The following CAPZA2 variants were observed in gnomAD, a reference collection of about 807,000 sequenced individuals.
CAPZA2 encodes the protein F-actin-capping protein subunit alpha-2.
Under a neutral mutation model 44.0 loss-of-function variants are expected in CAPZA2, and 13 were observed. That is an observed-to-expected ratio of 0.30 (90% CI 0.19 to 0.47). The LOEUF (loss-of-function observed/expected upper bound fraction) is 0.47, where lower values mean the gene tolerates loss of function less well. Among genes scored for constraint, CAPZA2 ranks in the 20% least tolerant of loss-of-function variants. CAPZA2 has a pLI of 1.00. For missense variants in CAPZA2, 244 were observed against 338.6 expected (o/e 0.72, Z 2.19); for synonymous variants, 94 against 108.2 (o/e 0.87, Z 0.81).
At chr7:116,866,117 A>G (rs1441766091) in intron 1 of CAPZA2, among the ~76,000 whole-genome samples, 1 of 152,192 alleles carries the variant, frequency 6.6e-6, no homozygotes, top group African/African-American at 2.4e-5. Flanking sequence ...GTGAATGGGA[A>G]ATAAATTTAG....
chr7:116,864,700 T>C (rs1430201998), intron 1 of CAPZA2, among the ~76,000 whole-genome samples: 1 of 152,100 alleles, frequency 6.6e-6, no homozygotes, highest in African/African-American at 2.4e-5. Context: ...TTAAAAGTGA[T>C]ATTTTAATAT....
Position 116,917,917 on chromosome 7 carries a change from C to G in CAPZA2, c.*50C>G, listed in dbSNP as rs1562965120. ...TTTTAGTGTCTTTGCGTTAAAAAAT[C>G]ATTGCAAAAGTATTCTGAACTGTCA... On this transcript the variant is annotated 3_prime_UTR_variant, in exon 10 of 10. Transcript: ENST00000361183. 1 of 1,526,150 alleles carries G rather than the reference C, an allele frequency of 6.6e-7. No homozygotes were observed. Among genetic ancestry groups the G allele is most frequent in the Admixed American group, 1.7e-5 (1 of 59,544 alleles). 94.5% of individuals were successfully genotyped at this position (1,526,150 alleles called of 1,614,324 possible). A position where few individuals can be genotyped will look rare whatever the true frequency, so the allele number is the denominator to read the frequency against.
At chr7:116,899,744 G>A (rs956566884) in intron 4 of CAPZA2, among the ~76,000 whole-genome samples, 1 of 149,258 alleles carries the variant, frequency 6.7e-6, no homozygotes, top group Non-Finnish European at 1.5e-5. Flanking sequence ...AATTTTTTTG[G>A]GATAAATTGC....
At chr7:116,916,541 G>A (rs1002989517) in intron 9 of CAPZA2, among the ~76,000 whole-genome samples, 4 of 152,054 alleles carry the variant, frequency 2.6e-5, no homozygotes, top group Admixed American at 2.0e-4. Flanking sequence ...CAGGACAATC[G>A]CTTGAACCTG....
intron 2 of CAPZA2, 59 bp downstream of exon 2, chr7:116,888,249 AC>A (rs780605287): frequency 5.8e-5 from 70 of 1,210,644 alleles, no homozygotes; most frequent in Non-Finnish European, 7.8e-5. Context: ...TTAAAAGAAA[AC>A]CAAAATAATC....
At chr7:116,901,651 G>T (rs962044189) in intron 4 of CAPZA2, among the ~76,000 whole-genome samples, 3 of 151,990 alleles carry the variant, frequency 2.0e-5, no homozygotes, top group African/African-American at 4.8e-5. Context: ...ATGTACCCCT[G>T]AACTGTTAAG....
At chr7:116,876,296 C>T (rs866533602) in intron 1 of CAPZA2, 26 of 151,768 alleles carry the variant, frequency 1.7e-4, no homozygotes, top group African/African-American at 5.6e-4. Context: ...GTTTGACTGG[C>T]TCCTGAATTT....
intron 1 of CAPZA2, among the ~76,000 whole-genome samples, chr7:116,862,920 G>GGCGGGGGCGCGGGC (rs1796435910): frequency 6.6e-6 from 1 of 151,348 alleles, no homozygotes; most frequent in African/African-American, 2.4e-5. Context: ...GGCGACGGCG[G>GGCGGGGGCGCGGGC]GCGGGGGCGC....
At chr7:116,870,559 G>C (rs564803596) in intron 1 of CAPZA2, among the ~76,000 whole-genome samples, 56 of 152,250 alleles carry the variant, frequency 3.7e-4, no homozygotes, top group African/African-American at 1.3e-3. Flanking sequence ...GCGTTGTAGG[G>C]TGTTTAGCAA....
intron 3 of CAPZA2, among the ~76,000 whole-genome samples, chr7:116,896,053 G>C (rs1796921826): frequency 6.6e-6 from 1 of 152,080 alleles, no homozygotes; most frequent in Non-Finnish European, 1.5e-5. Flanking sequence ...GCTATAGACT[G>C]TTTCTTTTTC....
intron 3 of CAPZA2, among the ~76,000 whole-genome samples, chr7:116,896,584 G>A (rs933313402): frequency 2.0e-5 from 3 of 152,050 alleles, no homozygotes; most frequent in African/African-American, 7.2e-5. Flanking sequence ...AAAATGATGT[G>A]GCTAAACTTA....
intron 1 of CAPZA2, among the ~76,000 whole-genome samples, chr7:116,867,927 A>G (rs1796502442): frequency 6.6e-6 from 1 of 152,206 alleles, no homozygotes; most frequent in Non-Finnish European, 1.5e-5. Flanking sequence ...TTAATCTCTC[A>G]GCCTCAGTTT....
chr7:116,906,387 A>G lies in CAPZA2; in HGVS notation c.506+45A>G, dbSNP rs771819007. 6 of 1,595,084 alleles carry G rather than the reference A, an allele frequency of 3.8e-6. No individual in the cohort carries two copies. In the South Asian group the frequency reaches 6.8e-5, roughly 18 times the overall value. On this transcript the variant is annotated intron_variant, in intron 6 of 9. Coordinates refer to ENST00000361183, the MANE Select transcript of CAPZA2 (RefSeq NM_006136.3). ...ATTGGGGAGTTTTGGCATTGTTTTA[A>G]GTCTTTGTAGTTCTTGCTTTAGTGA...
Position 116,918,920 on chromosome 7 carries a change from A to G in CAPZA2, c.*1053A>G, listed in dbSNP as rs1421056330. ...TTGTAATATTTTCAAAAATAGTTCT[A>G]CTGATGCTACAGGAATTTCAAGCCT... On this transcript the variant is annotated 3_prime_UTR_variant, in exon 10 of 10. Transcript: ENST00000361183. 1.3e-5 allele frequency: 2 copies of G among 152,170 alleles called. No homozygotes were observed. The highest frequency in any genetic ancestry group is 1.3e-4 in the Admixed American group (2 of 15,282). The allele number at this position is 152,170 out of a possible 1,614,324, so 9.4% of individuals were successfully genotyped here.
At chr7:116,902,771 C>T (rs543342219) in intron 4 of CAPZA2, among the ~76,000 whole-genome samples, 11 of 152,210 alleles carry the variant, frequency 7.2e-5, no homozygotes, top group Non-Finnish European at 4.4e-5. Flanking sequence ...GGGTCCTGCT[C>T]TGTCACCCAG....
At chr7:116,878,910 G>T (rs1321973983) in intron 1 of CAPZA2, among the ~76,000 whole-genome samples, 1 of 151,572 alleles carries the variant, frequency 6.6e-6, no homozygotes, top group East Asian at 1.9e-4. Flanking sequence ...GGTGGATCAC[G>T]AGGTCGGGAG....
chr7:116,898,483 T>C (rs1796953903), intron 3 of CAPZA2, among the ~76,000 whole-genome samples: 1 of 152,122 alleles, frequency 6.6e-6, no homozygotes, highest in South Asian at 2.1e-4. Flanking sequence ...GCATCTCTTA[T>C]CAGTAACTAA....
chr7:116,915,796 G>A (rs1791671995), intron 8 of CAPZA2: 1 of 221,688 alleles, frequency 4.5e-6, no homozygotes. Flanking sequence ...GTTTAAAATT[G>A]AACTTTTCAT....
intron 1 of CAPZA2, among the ~76,000 whole-genome samples, chr7:116,865,241 A>G (rs1258021012): frequency 1.6e-5 from 2 of 127,616 alleles, no homozygotes; most frequent in Non-Finnish European, 1.5e-5. Context: ...GCTGGAGTGC[A>G]GTGGTGCAAT....
Sources: gnomAD v4.1 joint callset for allele counts (sites outside exome capture counted in the v4.1 genomes callset) on GRCh38, gnomAD v4.1.1 for gene constraint, MANE v1.5 for transcripts, NCBI Gene and HGNC (gene_info 2026-07-23, HGNC 2026-07-21) for gene names.